LRRTM4: variants seen among roughly 807,000 people sequenced by gnomAD.
The protein encoded by LRRTM4 is leucine rich repeat transmembrane neuronal 4, also known as leucine-rich repeat transmembrane neuronal protein 4.
A neutral mutation model predicts 47.6 loss-of-function variants in LRRTM4; 25 were observed. That is an observed-to-expected ratio of 0.53 (90% confidence interval 0.38 to 0.73). LRRTM4 has a LOEUF of 0.73. Ranked by LOEUF, LRRTM4 falls within the 30% of genes least tolerant of loss-of-function variation. LRRTM4 has a pLI of 0.00. For synonymous variants in LRRTM4, 311 were observed against 269.5 expected, an observed-to-expected ratio of 1.15 and a Z score of -1.51; for missense variants, 638 against 713.4, an observed-to-expected ratio of 0.89 and a Z score of 1.20.
chr2:76,911,346 C>T (rs1016314296), intron 3 of LRRTM4, among the ~76,000 whole-genome samples: 1 of 152,126 alleles, frequency 6.6e-6, no homozygotes, highest in Non-Finnish European at 1.5e-5. Flanking sequence ...CTAAGGATTT[C>T]TTAAAAATAA....
intron 3 of LRRTM4, among the ~76,000 whole-genome samples, chr2:77,234,493 G>A (rs190050519): frequency 3.3e-4 from 50 of 152,132 alleles, no homozygotes; most frequent in Non-Finnish European, 6.9e-4. Flanking sequence ...GTAAAAGGTA[G>A]GATTAACAAG....
chr2:76,994,621 G>C (rs1261645280), intron 3 of LRRTM4, among the ~76,000 whole-genome samples: 1 of 151,848 alleles, frequency 6.6e-6, no homozygotes, highest in Non-Finnish European at 1.5e-5. Context: ...CATCATTCTT[G>C]ACATAGTCTA....
chr2:76,998,799 T>A (rs1261316854), intron 3 of LRRTM4, among the ~76,000 whole-genome samples: 2 of 150,820 alleles, frequency 1.3e-5, no homozygotes, highest in Non-Finnish European at 2.9e-5. Context: ...ACATCAGGCG[T>A]ACATTGAGAT....
chr2:77,457,656 C>T (rs1403371080), intron 3 of LRRTM4, among the ~76,000 whole-genome samples: 1 of 152,074 alleles, frequency 6.6e-6, no homozygotes, highest in African/African-American at 2.4e-5. Flanking sequence ...TCCTACTGTT[C>T]ACTTTATAAT....
rs370039169 is a variant in LRRTM4 at position 77,213,570 on chromosome 2, A to G, written c.1551+304748T>C. Among the ~76,000 whole-genome samples the G allele has an allele frequency of 5.3e-5, 8 of 152,190 alleles. No homozygotes were observed. In the East Asian group the frequency reaches 9.6e-4, roughly 18 times the overall value. ...GTTAGCTACCATCATTATACTGCACAAGGATTTGAAAAACAAGCCCTACAT... is the reference window on the plus strand; with the variant it reads ...GTTAGCTACCATCATTATACTGCACGAGGATTTGAAAAACAAGCCCTACAT... On this transcript the variant is annotated intron_variant, in intron 3 of 3. Coordinates refer to ENST00000409884, the MANE Select transcript of LRRTM4 (RefSeq NM_001134745.3).
rs1026878477 is a variant in LRRTM4 at position 76,948,109 on chromosome 2, C to T, written c.1552-199193G>A. On this transcript the variant is annotated intron_variant, in intron 3 of 3. Coordinates refer to ENST00000409884, the MANE Select transcript of LRRTM4 (RefSeq NM_001134745.3). The stretch of plus-strand genomic sequence containing the variant: ...AGATTCCCAAATAGTATCGTATCTA[C>T]GAGTTTCACGGCAACAGCAAGTAAT... 4.0e-5 allele frequency among the ~76,000 whole-genome samples: 6 copies of T among 151,796 alleles called. No individual in the cohort carries two copies. The South Asian group carries it at 8.3e-4, about 21-fold the overall frequency.
intron 3 of LRRTM4, among the ~76,000 whole-genome samples, chr2:76,827,078 C>T (rs1671210216): frequency 6.6e-6 from 1 of 151,866 alleles, no homozygotes; most frequent in Non-Finnish European, 1.5e-5. Flanking sequence ...CGTTAGTTCT[C>T]ATGGTAAATC....
intron 3 of LRRTM4, among the ~76,000 whole-genome samples, chr2:77,057,443 A>C (rs1465569670): frequency 6.6e-6 from 1 of 152,248 alleles, no homozygotes; most frequent in Non-Finnish European, 1.5e-5. Context: ...GGCCACAAGA[A>C]GACCACTAAT....
At chr2:77,100,242 G>A (rs988926045) in intron 3 of LRRTM4, among the ~76,000 whole-genome samples, 2 of 152,016 alleles carry the variant, frequency 1.3e-5, no homozygotes, top group African/African-American at 4.8e-5. Context: ...TTTATTTTAC[G>A]TCATTAAACA....
intron 3 of LRRTM4, among the ~76,000 whole-genome samples, chr2:76,756,764 T>C (rs563994576): frequency 5.3e-5 from 8 of 152,122 alleles, no homozygotes; most frequent in African/African-American, 1.7e-4. Context: ...AGAGAAGCTA[T>C]AATAGAGAAA....
intron 3 of LRRTM4, among the ~76,000 whole-genome samples, chr2:77,345,241 A>G (rs909115998): frequency 6.6e-6 from 1 of 151,794 alleles, no homozygotes; most frequent in Non-Finnish European, 1.5e-5. Context: ...AAATGGTGTA[A>G]TCACAATAAT....
intron 3 of LRRTM4, among the ~76,000 whole-genome samples, chr2:77,477,635 G>C (rs534476816): frequency 1.3e-5 from 2 of 151,946 alleles, no homozygotes; most frequent in Admixed American, 1.3e-4. Context: ...CTGAGGTTGG[G>C]AGTTTGAGAC....
chr2:77,423,778 G>C (rs1339423556), intron 3 of LRRTM4, among the ~76,000 whole-genome samples: 1 of 152,058 alleles, frequency 6.6e-6, no homozygotes, highest in Non-Finnish European at 1.5e-5. Context: ...GAAAATATGA[G>C]TTTCATTTTC....
intron 3 of LRRTM4, among the ~76,000 whole-genome samples, chr2:76,770,427 T>G (rs556091298): frequency 2.0e-5 from 3 of 152,316 alleles, no homozygotes; most frequent in African/African-American, 7.2e-5. Flanking sequence ...AGGAACTGCT[T>G]TCTGGAGTAG....
intron 3 of LRRTM4, among the ~76,000 whole-genome samples, chr2:77,137,424 TGA>T (rs558494616): frequency 6.7e-4 from 102 of 152,010 alleles, no homozygotes; most frequent in Admixed American, 1.8e-3. Flanking sequence ...GAGCAAATGC[TGA>T]GAGATTTTGT....
intron 3 of LRRTM4, among the ~76,000 whole-genome samples, chr2:77,037,647 TAAG>T (rs1322463766): frequency 3.3e-5 from 5 of 151,706 alleles, no homozygotes; most frequent in African/African-American, 9.7e-5. Flanking sequence ...GACTCTAATA[TAAG>T]AAGAAATATT....
intron 3 of LRRTM4, among the ~76,000 whole-genome samples, chr2:77,432,171 T>A (rs537326243): frequency 9.8e-5 from 15 of 152,336 alleles, no homozygotes; most frequent in African/African-American, 3.6e-4. Flanking sequence ...AGCCTGAGAA[T>A]AATCTTTGAC....
chr2:77,093,316 A>G (rs1670707927), intron 3 of LRRTM4, among the ~76,000 whole-genome samples: 2 of 149,340 alleles, frequency 1.3e-5, no homozygotes, highest in South Asian at 4.2e-4. Flanking sequence ...GGCACTCTCT[A>G]ATCAGATGTC....
rs373665707 is a variant in LRRTM4 at position 77,225,359 on chromosome 2, A to G, written c.1551+292959T>C. On this transcript the variant is annotated intron_variant, in intron 3 of 3. Coordinates refer to ENST00000409884, the MANE Select transcript of LRRTM4 (RefSeq NM_001134745.3). ...GCACATGTACCCTAAAACTTAAAGT[A>G]TAATAATAATAAAATAAAAAAAAAG... is the stretch of plus-strand genomic sequence containing the variant. 2.1e-4 allele frequency among the ~76,000 whole-genome samples: 32 copies of G among 151,862 alleles called. 3 individuals carry two copies. In the East Asian group the frequency reaches 3.1e-3, roughly 15 times the overall value.
Sources: allele counts gnomAD v4.1 joint callset (sites outside exome capture counted in the v4.1 genomes callset), GRCh38; gene constraint gnomAD v4.1.1; transcripts MANE v1.5; gene names NCBI Gene and HGNC (gene_info 2026-07-23, HGNC 2026-07-21).